PNPLA8: variants seen among roughly 807,000 people sequenced by gnomAD.
The protein encoded by PNPLA8 is patatin like domain 8, phospholipase A2.
In PNPLA8, 39 loss-of-function variants were observed where a neutral mutation model predicts 76.9. That is an observed-to-expected ratio of 0.51 (90% confidence interval 0.39 to 0.66). PNPLA8 has a LOEUF of 0.66. PNPLA8 is among the 30% of genes least tolerant of loss of function. PNPLA8 has a pLI of 0.00. For missense variants in PNPLA8, 887 were observed against 918.0 expected (o/e 0.97, Z 0.44); for synonymous variants, 301 against 307.9 (o/e 0.98, Z 0.24).
rs369261888 is a variant in PNPLA8 at position 108,502,442 on chromosome 7, C to CAAAAAAA, written c.1358+42_1358+48dup. 36 of 624,224 alleles carry CAAAAAAA rather than the reference C, an allele frequency of 5.8e-5. No homozygotes were observed. The African/African-American group carries it at 1.2e-3, about 20-fold the overall frequency. 38.7% of individuals were successfully genotyped at this position (624,224 alleles called of 1,614,324 possible). A position where few individuals can be genotyped will look rare whatever the true frequency, so the allele number is the denominator to read the frequency against. On this transcript the variant is annotated intron_variant, in intron 5 of 10. Coordinates refer to ENST00000257694, the MANE Select transcript of PNPLA8 (RefSeq NM_001256007.3). ...TGGGCAACAGAGGGAAACTCCATCT[C>CAAAAAAA]AAAAAAAAAAAAAAAAAAAAAAAAA... is the stretch of plus-strand genomic sequence containing the variant.
chr7:108,505,921 A>C (rs1205292744), intron 4 of PNPLA8, among the ~76,000 whole-genome samples: 1 of 152,174 alleles, frequency 6.6e-6, no homozygotes, highest in African/African-American at 2.4e-5. Flanking sequence ...TGGTGAACCC[A>C]ATGGAAAAAT....
chr7:108,512,590 G>A (rs1381619315), intron 4 of PNPLA8, among the ~76,000 whole-genome samples: 1 of 151,984 alleles, frequency 6.6e-6, no homozygotes, highest in Non-Finnish European at 1.5e-5. Flanking sequence ...AATTGATACA[G>A]ATGTTTTATA....
At chr7:108,474,667 G>C (rs1056714075) in intron 10 of PNPLA8, among the ~76,000 whole-genome samples, 1 of 152,092 alleles carries the variant, frequency 6.6e-6, no homozygotes, top group Non-Finnish European at 1.5e-5. Context: ...TAATAGTCCC[G>C]GACCATTTGT....
At chr7:108,512,648 G>C (rs150680690) in intron 4 of PNPLA8, among the ~76,000 whole-genome samples, 3,133 of 152,084 alleles carry the variant, frequency 0.021, 42 homozygotes, top group African/African-American at 0.028. Context: ...ATAACAAAAA[G>C]TTTAGCTGGA....
At chr7:108,525,664 A>C (rs543382868) in intron 1 of PNPLA8, among the ~76,000 whole-genome samples, 1 of 152,346 alleles carries the variant, frequency 6.6e-6, no homozygotes, top group South Asian at 2.1e-4. Flanking sequence ...AACCCTCCTG[A>C]GAGTGACCAG....
chr7:108,493,773 A>T (rs1445578898), intron 7 of PNPLA8, among the ~76,000 whole-genome samples: 1 of 150,508 alleles, frequency 6.6e-6, no homozygotes, highest in East Asian at 1.9e-4. Context: ...ATTTCCATCC[A>T]AATACCAGTG....
chr7:108,473,284 T>C (rs1859752118), intron 10 of PNPLA8, among the ~76,000 whole-genome samples: 1 of 152,218 alleles, frequency 6.6e-6, no homozygotes, highest in Admixed American at 6.5e-5. Flanking sequence ...CTAAATGGTG[T>C]TCCATTGTAT....
At chr7:108,491,389 T>G in intron 8 of PNPLA8, 21 bp downstream of exon 8, 1 of 1,509,882 alleles carries the variant, frequency 6.6e-7, no homozygotes. Context: ...AGGTGTTATA[T>G]TTAAGAGACT....
intron 6 of PNPLA8, 31 bp downstream of exon 6, chr7:108,497,452 G>T: frequency 7.5e-7 from 1 of 1,341,258 alleles, no homozygotes; most frequent in Non-Finnish European, 1.1e-6. Context: ...TGTACTGCCA[G>T]AATGCACCAC....
chr7:108,499,056 T>C (rs1449564598), intron 5 of PNPLA8, among the ~76,000 whole-genome samples: 2 of 152,206 alleles, frequency 1.3e-5, no homozygotes, highest in East Asian at 1.9e-4. Flanking sequence ...AGATATCTTA[T>C]GAAAGAGGTA....
At chr7:108,502,806 T>C in intron 4 of PNPLA8, 164 bp from the exon 5 acceptor site, 1 of 434,084 alleles carries the variant, frequency 2.3e-6, no homozygotes, top group Admixed American at 4.2e-5. Flanking sequence ...GATATATTAA[T>C]GTCAATTTTC....
Position 108,514,915 on chromosome 7 carries a change from T to C in PNPLA8, c.577A>G (p.Thr193Ala), listed in dbSNP as rs757146153. The C allele has an allele frequency of 9.9e-6, 16 of 1,608,982 alleles. No individual in the cohort carries two copies. The highest frequency in any genetic ancestry group is 2.2e-5 in the South Asian group (2 of 90,326). ...DIGKRSLFHY[T>A]SSITTKFGDS... ...CCAAATTTTGTGGTTATAGAACTTG[T>C]GTAATGAAAAAGACTGCGTTTACCT... The change falls in exon 3 of 11, where the codon ACA becomes GCA. Residue 193 changes from threonine to alanine, a missense_variant. Physicochemically the swap from Thr to Ala is moderately conservative, Grantham distance 58. Transcript: ENST00000257694.
rs1191774807 is a variant in PNPLA8 at position 108,508,870 on chromosome 7, C to T, written c.1206+5274G>A. ...AGAACAGAGCCCTCAGAAATAACGC[C>T]GCATACCTACAACTATCTGATCTTT... On this transcript the variant is annotated intron_variant, in intron 4 of 10. Transcript: ENST00000257694. 6.6e-5 allele frequency among the ~76,000 whole-genome samples: 9 copies of T among 136,338 alleles called. No individual in the cohort carries two copies. The South Asian group carries it at 1.7e-3, about 26-fold the overall frequency. 89.4% of individuals were successfully genotyped at this position (136,338 alleles called of 152,430 possible).
At chr7:108,503,116 T>C (rs959257910) in intron 4 of PNPLA8, among the ~76,000 whole-genome samples, 2 of 152,200 alleles carry the variant, frequency 1.3e-5, no homozygotes, top group Non-Finnish European at 2.9e-5. Context: ...CAAACAAATG[T>C]TAACAAAGGT....
intron 9 of PNPLA8, among the ~76,000 whole-genome samples, chr7:108,484,722 A>G (rs138255306): frequency 1.1e-3 from 165 of 152,270 alleles, no homozygotes; most frequent in African/African-American, 3.7e-3. Flanking sequence ...TTAATCCTGT[A>G]CATATATTGA....
At chr7:108,504,177 A>G (rs1862164812) in intron 4 of PNPLA8, among the ~76,000 whole-genome samples, 2 of 152,216 alleles carry the variant, frequency 1.3e-5, no homozygotes, top group Non-Finnish European at 2.9e-5. Flanking sequence ...CAAACAGAAG[A>G]ACAAATAAAC....
chr7:108,524,005 A>C (rs1458120166), intron 1 of PNPLA8, among the ~76,000 whole-genome samples: 1 of 152,214 alleles, frequency 6.6e-6, no homozygotes, highest in African/African-American at 2.4e-5. Flanking sequence ...TGTGAAGGGG[A>C]CAATTTAATA....
rs1050059747 is a variant in PNPLA8 at position 108,514,194 on chromosome 7, G to A, written c.1156C>T (p.Leu386=). The A allele has an allele frequency of 9.9e-6, 16 of 1,608,944 alleles. No homozygotes were observed. The highest frequency in any genetic ancestry group is 1.3e-5 in the Non-Finnish European group (15 of 1,175,948). ...GGAAATTCTAGAAGATGAAAAGTCA[G>A]TTCTTCAACCCTAGTAATGCAGAGC... is the stretch of plus-strand genomic sequence containing the variant. ...PKLCITRVEE[L]TFHLLEFPEG... is the part of the protein sequence containing the mutation. Residue 386 remains leucine (L), a synonymous_variant, in exon 4 of 11, where the codon CTG becomes TTG. Coordinates refer to ENST00000257694, the MANE Select transcript of PNPLA8 (RefSeq NM_001256007.3).
chr7:108,525,029 T>C (rs7810121), intron 1 of PNPLA8, among the ~76,000 whole-genome samples: 2,708 of 152,278 alleles, frequency 0.018, 92 homozygotes, highest in African/African-American at 0.061. Context: ...TCATTCAACA[T>C]CACTCATTAA....
Sources: allele counts gnomAD v4.1 joint callset (sites outside exome capture counted in the v4.1 genomes callset), GRCh38; gene constraint gnomAD v4.1.1; transcripts MANE v1.5; gene names NCBI Gene and HGNC (gene_info 2026-07-23, HGNC 2026-07-21).